Variants in KHDRBS2 observed in about 807,000 individuals in gnomAD.
KHDRBS2 encodes the protein KH RNA binding domain containing, signal transduction associated 2, also known as KH domain-containing, RNA-binding, signal transduction-associated protein 2.
Under a neutral mutation model 44.3 loss-of-function variants are expected in KHDRBS2, and 26 were observed. The observed-to-expected ratio is 0.59, with a 90% CI of 0.43 to 0.81. The LOEUF (loss-of-function observed/expected upper bound fraction) is 0.81, where lower values mean the gene tolerates loss of function less well. KHDRBS2 is among the 40% of genes least tolerant of loss of function. The pLI is 0.00. For synonymous variants in KHDRBS2, 194 were observed against 151.1 expected, an observed-to-expected ratio of 1.28 and a Z score of -2.08; for missense variants, 476 against 433.1, an observed-to-expected ratio of 1.10 and a Z score of -0.88.
intron 2 of KHDRBS2, among the ~76,000 whole-genome samples, chr6:62,107,456 A>T (rs923754039): frequency 2.0e-5 from 3 of 152,186 alleles, no homozygotes; most frequent in African/African-American, 7.2e-5. Flanking sequence ...ATACAAACAA[A>T]CGAAAGAACA....
intron 6 of KHDRBS2, among the ~76,000 whole-genome samples, chr6:61,833,241 T>C (rs111301768): frequency 3.9e-5 from 6 of 152,196 alleles, no homozygotes; most frequent in Admixed American, 1.3e-4. Context: ...ATGATGTCTA[T>C]AGCACAGAGA....
At chr6:62,058,418 T>G (rs912776350) in intron 2 of KHDRBS2, among the ~76,000 whole-genome samples, 5 of 151,944 alleles carry the variant, frequency 3.3e-5, no homozygotes, top group Non-Finnish European at 5.9e-5. Flanking sequence ...GGGATGAATC[T>G]CCTTTTTAAT....
intron 6 of KHDRBS2, among the ~76,000 whole-genome samples, chr6:61,846,626 C>A (rs1370058894): frequency 6.6e-6 from 1 of 152,094 alleles, no homozygotes; most frequent in Non-Finnish European, 1.5e-5. Context: ...TCTCTATCCA[C>A]TAAGAAGTCT....
At chr6:62,204,352 T>A (rs1827584448) in intron 1 of KHDRBS2, among the ~76,000 whole-genome samples, 1 of 152,132 alleles carries the variant, frequency 6.6e-6, no homozygotes, top group South Asian at 2.1e-4. Flanking sequence ...ATTCATGAAA[T>A]CCATGGAAAG....
At chr6:61,760,387 C>A (rs963319218) in intron 6 of KHDRBS2, among the ~76,000 whole-genome samples, 1 of 152,158 alleles carries the variant, frequency 6.6e-6, no homozygotes, top group African/African-American at 2.4e-5. Flanking sequence ...AATCCCAGCA[C>A]TTTGGGAGGC....
At chr6:61,678,108 T>C (rs1406282004), downstream of KHDRBS2, among the ~76,000 whole-genome samples, 5 of 151,802 alleles carry the variant, frequency 3.3e-5, no homozygotes, top group African/African-American at 1.2e-4. Flanking sequence ...ATCATTAAAG[T>C]TAACATATAT....
intron 4 of KHDRBS2, among the ~76,000 whole-genome samples, chr6:61,908,858 T>C (rs554575758): frequency 1.3e-5 from 2 of 152,218 alleles, no homozygotes; most frequent in Non-Finnish European, 2.9e-5. Context: ...CTTCAAATAG[T>C]AAAGAATGCT....
Position 61,981,554 on chromosome 6 carries a change from G to T in KHDRBS2, c.337-3342C>A, listed in dbSNP as rs541333936. Among the ~76,000 whole-genome samples the T allele has an allele frequency of 4.6e-5, 7 of 151,514 alleles. No individual in the cohort carries two copies. In the East Asian group the frequency reaches 1.2e-3, roughly 25 times the overall value. On this transcript the variant is annotated intron_variant, in intron 3 of 8. Transcript: ENST00000281156. ...ATACTTACTTTTGAAATCTTGTATTGTCACTTAAGTAAGTGGATAACTAAA... is the reference window on the plus strand; with the variant it reads ...ATACTTACTTTTGAAATCTTGTATTTTCACTTAAGTAAGTGGATAACTAAA...
chr6:62,285,040 C>T (rs1052260046), intron 1 of KHDRBS2, among the ~76,000 whole-genome samples: 10 of 151,998 alleles, frequency 6.6e-5, no homozygotes, highest in African/African-American at 2.4e-4. Flanking sequence ...ACTACAGATA[C>T]CATAGGTGTC....
the KHDRBS2 span, among the ~76,000 whole-genome samples, chr6:61,662,946 C>G: frequency 6.6e-6 from 1 of 151,908 alleles, no homozygotes; most frequent in African/African-American, 2.4e-5. Context: ...AAGACACATG[C>G]ACACGTATGT....
the KHDRBS2 span, among the ~76,000 whole-genome samples, chr6:61,593,759 G>T: frequency 6.6e-6 from 1 of 152,054 alleles, no homozygotes; most frequent in Non-Finnish European, 1.5e-5. Context: ...ATATCTGTAT[G>T]AATTGGGTGA....
the KHDRBS2 span, among the ~76,000 whole-genome samples, chr6:61,643,549 T>C: frequency 6.6e-6 from 1 of 152,140 alleles, no homozygotes; most frequent in South Asian, 2.1e-4. Context: ...TAATTCTACC[T>C]CCAGAAAGCC....
chr6:62,192,800 A>C (rs2150132460), intron 1 of KHDRBS2, among the ~76,000 whole-genome samples: 1 of 152,180 alleles, frequency 6.6e-6, no homozygotes, highest in African/African-American at 2.4e-5. Context: ...ACTGTGTATA[A>C]ATTATTGGGA....
the KHDRBS2 span, among the ~76,000 whole-genome samples, chr6:61,554,225 T>G: frequency 2.0e-5 from 3 of 152,226 alleles, no homozygotes; most frequent in Non-Finnish European, 4.4e-5. Flanking sequence ...GTCTTCTTGT[T>G]GAATTGAGCC....
intron 7 of KHDRBS2, among the ~76,000 whole-genome samples, chr6:61,711,520 A>G (rs1295270422): frequency 6.6e-6 from 1 of 151,922 alleles, no homozygotes; most frequent in Non-Finnish European, 1.5e-5. Context: ...TGGTTTGACA[A>G]TAGTTAATTT....
At chr6:61,952,131 T>A (rs969645240) in intron 4 of KHDRBS2, among the ~76,000 whole-genome samples, 4 of 152,118 alleles carry the variant, frequency 2.6e-5, no homozygotes, top group Admixed American at 6.6e-5. Flanking sequence ...TATTTACAAC[T>A]AAGCATAAGC....
At chr6:61,642,735 A>G in the KHDRBS2 span, among the ~76,000 whole-genome samples, 2 of 152,118 alleles carry the variant, frequency 1.3e-5, no homozygotes, top group African/African-American at 4.8e-5. Flanking sequence ...CAGGCATGTC[A>G]TGAGCCTATG....
chr6:62,075,273 T>C (rs1435307855), intron 2 of KHDRBS2, among the ~76,000 whole-genome samples: 1 of 151,822 alleles, frequency 6.6e-6, no homozygotes, highest in Non-Finnish European at 1.5e-5. Flanking sequence ...CTGAGGAAGC[T>C]TGTTCACCCC....
At chr6:61,566,501 C>T in the KHDRBS2 span, among the ~76,000 whole-genome samples, 4 of 152,104 alleles carry the variant, frequency 2.6e-5, no homozygotes, top group Non-Finnish European at 2.9e-5. Flanking sequence ...ATCACATGTA[C>T]CCCATAAACA....
Sources: allele counts gnomAD v4.1 joint callset (sites outside exome capture counted in the v4.1 genomes callset), GRCh38; gene constraint gnomAD v4.1.1; transcripts MANE v1.5; gene names NCBI Gene and HGNC (gene_info 2026-07-23, HGNC 2026-07-21).